NSMCE2: variants seen among roughly 807,000 people sequenced by gnomAD.
NSMCE2 encodes NSE2 SUMO ligase component of SMC5/6 complex.
In NSMCE2, 24 loss-of-function variants were observed where a neutral mutation model predicts 23.8. That is an observed-to-expected ratio of 1.01 (90% confidence interval 0.73 to 1.42). NSMCE2 has a LOEUF of 1.42. NSMCE2 is among the 40% of genes most tolerant of loss of function. The probability of loss-of-function intolerance (pLI) is 0.00; values close to 1 mark genes in which losing one functional copy is unlikely to be tolerated. For missense variants in NSMCE2, 284 were observed against 296.5 expected (o/e 0.96, Z 0.31); for synonymous variants, 92 against 94.1 (o/e 0.98, Z 0.13).
At chr8:125,297,598 A>G (rs551115676) in intron 5 of NSMCE2, among the ~76,000 whole-genome samples, 1 of 152,248 alleles carries the variant, frequency 6.6e-6, no homozygotes, top group South Asian at 2.1e-4. Context: ...TGGAAGGACC[A>G]GACAGAAAGA....
intron 5 of NSMCE2, among the ~76,000 whole-genome samples, chr8:125,344,048 C>T (rs1250723975): frequency 2.0e-5 from 3 of 152,084 alleles, no homozygotes; most frequent in Non-Finnish European, 4.4e-5. Context: ...TAAGATAATA[C>T]ATCTAGAAAA....
intron 5 of NSMCE2, among the ~76,000 whole-genome samples, chr8:125,271,649 G>A (rs985812739): frequency 6.6e-6 from 1 of 152,174 alleles, no homozygotes; most frequent in Non-Finnish European, 1.5e-5. Context: ...GAGACCTTTG[G>A]AAGAGTGCTG....
At chr8:125,216,525 G>A (rs1824590693) in intron 5 of NSMCE2, among the ~76,000 whole-genome samples, 1 of 151,932 alleles carries the variant, frequency 6.6e-6, no homozygotes, top group South Asian at 2.1e-4. Flanking sequence ...TGTAATCCCA[G>A]CTACGTACTG....
intron 5 of NSMCE2, among the ~76,000 whole-genome samples, chr8:125,222,575 A>G (rs1375756450): frequency 6.6e-6 from 1 of 151,636 alleles, no homozygotes; most frequent in Non-Finnish European, 1.5e-5. Context: ...AAAGTCTATG[A>G]ATTAGCCTGT....
chr8:125,233,627 T>G (rs2130953846), intron 5 of NSMCE2, among the ~76,000 whole-genome samples: 1 of 152,314 alleles, frequency 6.6e-6, no homozygotes, highest in East Asian at 1.9e-4. Context: ...CACTTTTGTT[T>G]TAAAATATTC....
At chr8:125,284,947 AC>A (rs1739343336) in intron 5 of NSMCE2, among the ~76,000 whole-genome samples, 2 of 152,220 alleles carry the variant, frequency 1.3e-5, no homozygotes, top group South Asian at 4.1e-4. Flanking sequence ...TAAAAATCTT[AC>A]GAAAATCTAC....
intron 5 of NSMCE2, among the ~76,000 whole-genome samples, chr8:125,346,374 G>T (rs1042766056): frequency 6.6e-6 from 1 of 152,204 alleles, no homozygotes; most frequent in African/African-American, 2.4e-5. Context: ...CGAACAACTT[G>T]CATGTACTGT....
intron 4 of NSMCE2, among the ~76,000 whole-genome samples, chr8:125,163,323 A>G (rs1821717507): frequency 6.6e-6 from 1 of 152,276 alleles, no homozygotes; most frequent in Non-Finnish European, 1.5e-5. Flanking sequence ...AAATTCACAA[A>G]GCCAGATATA....
chr8:125,173,315 G>A (rs1822314826), intron 4 of NSMCE2, among the ~76,000 whole-genome samples: 1 of 152,152 alleles, frequency 6.6e-6, no homozygotes, highest in African/African-American at 2.4e-5. Flanking sequence ...TTGGTCATTA[G>A]GTGTGATGAG....
In NSMCE2 at chr8:125,300,135, G is replaced by A. The variant is rs536386869; in HGVS notation, c.419-57084G>A. ...CACCTGGACAATTTTCGGCTTTCTT[G>A]TACTGGAAGTGGGTCACTTCAAGGG... On this transcript the variant is annotated intron_variant, in intron 5 of 7. Coordinates refer to ENST00000287437, the MANE Select transcript of NSMCE2 (RefSeq NM_173685.4). 4.6e-5 allele frequency among the ~76,000 whole-genome samples: 7 copies of A among 150,822 alleles called. No individual in the cohort carries two copies. In the East Asian group the frequency reaches 1.4e-3, roughly 29 times the overall value.
chr8:125,166,083 T>C (rs553557210), intron 4 of NSMCE2, among the ~76,000 whole-genome samples: 1 of 152,354 alleles, frequency 6.6e-6, no homozygotes, highest in South Asian at 2.1e-4. Context: ...GCCCTCATTC[T>C]GGGCTGTGGA....
Position 125,274,999 on chromosome 8 carries a change from G to GATAATAATA in NSMCE2, c.419-82191_419-82183dup, listed in dbSNP as rs72261443. 7.1e-3 allele frequency among the ~76,000 whole-genome samples: 1,004 copies of GATAATAATA among 142,398 alleles called. 7 individuals are homozygous for GATAATAATA. Among genetic ancestry groups the GATAATAATA allele is most frequent in the African/African-American group, 0.015 (585 of 38,408 alleles). 93.4% of individuals were successfully genotyped at this position (142,398 alleles called of 152,430 possible). On this transcript the variant is annotated intron_variant, in intron 5 of 7. Transcript: ENST00000287437. Reference sequence around the variant, plus strand: ...CAATTTTTCAGGACAATCTGAAGATGATAATAATAATAATAATAATAATAA... The same window carrying GATAATAATA: ...CAATTTTTCAGGACAATCTGAAGATGATAATAATAATAATAATAATAATAATAATAATAA...
At chr8:125,121,200 G>A (rs1325392959) in intron 3 of NSMCE2, among the ~76,000 whole-genome samples, 1 of 152,198 alleles carries the variant, frequency 6.6e-6, no homozygotes, top group Non-Finnish European at 1.5e-5. Flanking sequence ...AGCGTGCTCA[G>A]TAGATGAAGA....
At chr8:125,281,111 G>A (rs1014036392) in intron 5 of NSMCE2, among the ~76,000 whole-genome samples, 17 of 152,290 alleles carry the variant, frequency 1.1e-4, no homozygotes, top group Non-Finnish European at 1.0e-4. Context: ...GCTTTAAAGC[G>A]TTCAGACTTT....
At chr8:125,333,553 C>T (rs370560109) in intron 5 of NSMCE2, among the ~76,000 whole-genome samples, 14 of 100,414 alleles carry the variant, frequency 1.4e-4, no homozygotes, top group Non-Finnish European at 2.3e-4. Context: ...CTCGCTCTGT[C>T]GCCCAGGCTG....
rs113909087 is a variant in NSMCE2, at chr8:125,097,455, C to G, written c.-110-4596C>G. Reference sequence around the variant, plus strand: ...TATGCCAGGCAAAGGGAACTCATCTCATCGTTTACTACCTTATGATCTTTT... The same window carrying G: ...TATGCCAGGCAAAGGGAACTCATCTGATCGTTTACTACCTTATGATCTTTT... On this transcript the variant is annotated intron_variant, in intron 1 of 7. Coordinates refer to ENST00000287437, the MANE Select transcript of NSMCE2 (RefSeq NM_173685.4). Among the ~76,000 whole-genome samples, 476 of 152,324 alleles carry G rather than the reference C, an allele frequency of 3.1e-3. 4 individuals are homozygous for G. Among genetic ancestry groups the G allele is most frequent in the African/African-American group, 0.011 (450 of 41,558 alleles).
intron 5 of NSMCE2, among the ~76,000 whole-genome samples, chr8:125,207,960 AT>A (rs1315935315): frequency 5.3e-5 from 8 of 152,218 alleles, no homozygotes; most frequent in African/African-American, 1.9e-4. Context: ...GGTCAAAGAA[AT>A]TACAAGGCAG....
At chr8:125,215,438 T>A (rs1824539479) in intron 5 of NSMCE2, among the ~76,000 whole-genome samples, 1 of 151,886 alleles carries the variant, frequency 6.6e-6, no homozygotes, top group African/African-American at 2.4e-5. Flanking sequence ...ATCCAGTCTA[T>A]CATTGTTGGA....
intron 7 of NSMCE2, among the ~76,000 whole-genome samples, chr8:125,363,682 AAGGAAGGAAGGC>A (rs1195842000): frequency 6.7e-6 from 1 of 148,692 alleles, no homozygotes; most frequent in Non-Finnish European, 1.5e-5. Flanking sequence ...GGAGGGAGGG[AAGGAAGGAAGGC>A]AGGAAGGAAG....
Sources: gnomAD v4.1 joint callset for allele counts (sites outside exome capture counted in the v4.1 genomes callset) on GRCh38, gnomAD v4.1.1 for gene constraint, MANE v1.5 for transcripts, NCBI Gene and HGNC (gene_info 2026-07-23, HGNC 2026-07-21) for gene names.